Variants in GBF1 observed in about 807,000 individuals in gnomAD.
The protein encoded by GBF1 is golgi brefeldin A resistant guanine nucleotide exchange factor 1, also known as Golgi-specific brefeldin A-resistance guanine nucleotide exchange factor 1.
Under a neutral mutation model 210.5 loss-of-function variants are expected in GBF1, and 114 were observed. That is an observed-to-expected ratio of 0.54 (90% CI 0.47 to 0.63). The LOEUF (loss-of-function observed/expected upper bound fraction) is 0.63, where lower values mean the gene tolerates loss of function less well. Ranked by LOEUF, GBF1 falls within the 30% of genes least tolerant of loss-of-function variation. The pLI, the probability that GBF1 is intolerant of heterozygous loss-of-function variation, is 0.00. For missense variants in GBF1, 1,851 were observed against 2,357.7 expected (o/e 0.79, Z 4.45); for synonymous variants, 850 against 889.2 (o/e 0.96, Z 0.78).
intron 18 of GBF1, among the ~76,000 whole-genome samples, chr10:102,365,899 AGAGTGAGATC>A (rs1171752408): frequency 6.7e-6 from 1 of 148,798 alleles, no homozygotes; most frequent in Non-Finnish European, 1.5e-5. Context: ...AGAGTGAGAT[AGAGTGAGATC>A]ATGCCACTGT....
Position 102,370,845 on chromosome 10 carries a change from A to AG in GBF1, c.3646dup (p.Glu1216GlyfsTer34). The AG allele has an allele frequency of 6.2e-7, 1 of 1,614,116 alleles. No homozygotes were observed. The highest frequency in any genetic ancestry group is 8.5e-7 in the Non-Finnish European group (1 of 1,179,952). On this transcript the variant is annotated frameshift_variant, in exon 29 of 40. Transcript: ENST00000369983. LOFTEE classifies it high-confidence loss of function. ...TGGCCATTCGGCTTCTCCGGAGAGA[A>AG]GAGATCAGTGCTCAGGTAAGCAGAA...
rs778109377 is a variant in GBF1 at position 102,366,537 on chromosome 10, G to T, written c.2433+31G>T. 4 of 1,603,004 alleles carry T rather than the reference G, an allele frequency of 2.5e-6. No individual in the cohort carries two copies. Among genetic ancestry groups the T allele is most frequent in the Non-Finnish European group, 2.6e-6 (3 of 1,171,276 alleles). On this transcript the variant is annotated intron_variant, in intron 19 of 39. Transcript: ENST00000369983. This position sits in a 1 kb window ranked among gnomAD's most constrained non-coding sequence, Gnocchi z 4.0. Reference sequence around the variant, plus strand: ...TTTGAGTGTCAGGGGCTGAGCCCAGGATCCAAGGTCAGTTTGACTGAGGGC... The same window carrying T: ...TTTGAGTGTCAGGGGCTGAGCCCAGTATCCAAGGTCAGTTTGACTGAGGGC...
chr10:102,352,547 G>A lies in GBF1; in HGVS notation c.584+29G>A, dbSNP rs764287409. The A allele has an allele frequency of 3.9e-6, 6 of 1,525,570 alleles. No homozygotes were observed. The Admixed American group carries it at 5.0e-5, about 13-fold the overall frequency. 94.5% of individuals were successfully genotyped at this position (1,525,570 alleles called of 1,614,324 possible). Reference sequence around the variant, plus strand: ...AACCTGCTGCTGTTTGCTTCAGCCCGGCTGCCCAGGCCTCTTGAGTCTGCC... The same window carrying A: ...AACCTGCTGCTGTTTGCTTCAGCCCAGCTGCCCAGGCCTCTTGAGTCTGCC... On this transcript the variant is annotated intron_variant, in intron 7 of 39. Coordinates refer to ENST00000369983, the MANE Select transcript of GBF1 (RefSeq NM_001377137.1).
At chr10:102,334,721 C>T (rs1292751615) in intron 3 of GBF1, among the ~76,000 whole-genome samples, 1 of 152,030 alleles carries the variant, frequency 6.6e-6, no homozygotes, top group Admixed American at 6.6e-5. Flanking sequence ...TGGTGGCTTG[C>T]GCCTGTAGTC....
chr10:102,328,176 A>C (rs2057044146), intron 3 of GBF1, among the ~76,000 whole-genome samples: 1 of 152,182 alleles, frequency 6.6e-6, no homozygotes, highest in Admixed American at 6.5e-5. Flanking sequence ...TTTTAGCATG[A>C]GGGTGGCTGA....
chr10:102,341,659 T>G (rs1366392252), intron 3 of GBF1, among the ~76,000 whole-genome samples: 2 of 152,202 alleles, frequency 1.3e-5, no homozygotes, highest in African/African-American at 2.4e-5. Context: ...ATTTCAGTCA[T>G]CATGTTGAAT....
At chr10:102,273,506 G>A (rs1439716442) in intron 3 of GBF1, among the ~76,000 whole-genome samples, 1 of 152,160 alleles carries the variant, frequency 6.6e-6, no homozygotes, top group Admixed American at 6.5e-5. Context: ...TGAAAGCACT[G>A]GTAGAAAGTT....
chr10:102,362,471 C>A lies in GBF1; in HGVS notation c.1687-4C>A. On this transcript the variant is annotated splice_polypyrimidine_tract_variant and splice_region_variant and intron_variant, in intron 14 of 39. Coordinates refer to ENST00000369983, the MANE Select transcript of GBF1 (RefSeq NM_001377137.1). Reference sequence around the variant, plus strand: ...CAAGTCCAATTGATCTGTTTACTTTCCAGAATGCCTTCCCTGTGTCTGGTC... The same window carrying A: ...CAAGTCCAATTGATCTGTTTACTTTACAGAATGCCTTCCCTGTGTCTGGTC... 2 of 1,598,680 alleles carry A rather than the reference C, an allele frequency of 1.3e-6. No individual in the cohort carries two copies. Among genetic ancestry groups the A allele is most frequent in the Non-Finnish European group, 8.6e-7 (1 of 1,167,094 alleles).
chr10:102,378,395 G>A (rs2060637885), intron 33 of GBF1, among the ~76,000 whole-genome samples: 1 of 152,076 alleles, frequency 6.6e-6, no homozygotes, highest in Admixed American at 6.6e-5. Context: ...GGCTGAGGCG[G>A]GAGGATCACT....
Position 102,366,385 on chromosome 10 carries a change from C to T in GBF1, c.2312C>T (p.Thr771Ile). ...CTTCTTCCTTTCTTTCCCTATAGCA[C>T]CTTCAGTTTTCAGGGTCTGCGACTG... ...NIDLLESFVS[T>I]FSFQGLRLDE... Residue 771 changes from threonine (T) to isoleucine (I), a missense_variant and splice_region_variant, in exon 19 of 40, where the codon ACC becomes ATC. Thr to Ile is a moderately conservative substitution (Grantham distance 89, BLOSUM62 -1). Around this residue, in one of 3 missense-constraint regions of GBF1, gnomAD observed 804 missense variants for 958.6 expected, o/e 0.84. Coordinates refer to ENST00000369983, the MANE Select transcript of GBF1 (RefSeq NM_001377137.1). The surrounding 1 kb of genome is among the most constrained non-coding windows in gnomAD (Gnocchi z 4.0). 2 of 1,614,020 alleles carry T rather than the reference C, an allele frequency of 1.2e-6. No individual in the cohort carries two copies. Among genetic ancestry groups the T allele is most frequent in the Non-Finnish European group, 1.7e-6 (2 of 1,179,928 alleles).
At chr10:102,254,488 T>C (rs1246532906) in intron 1 of GBF1, among the ~76,000 whole-genome samples, 2 of 152,224 alleles carry the variant, frequency 1.3e-5, no homozygotes, top group Non-Finnish European at 2.9e-5. Context: ...AAGAATACAA[T>C]TTATTGTTTC....
chr10:102,322,404 T>G (rs917137116), intron 3 of GBF1, among the ~76,000 whole-genome samples: 5 of 152,218 alleles, frequency 3.3e-5, no homozygotes, highest in Non-Finnish European at 5.9e-5. Context: ...GTTTGTAGAT[T>G]CTTCTTTCCC....
chr10:102,379,722 C>A, intron 35 of GBF1, 71 bp downstream of exon 35: 1 of 1,547,888 alleles, frequency 6.5e-7, no homozygotes, highest in Non-Finnish European at 8.9e-7. Flanking sequence ...GCCTGAAGAG[C>A]CCCTAATGTG....
intron 3 of GBF1, among the ~76,000 whole-genome samples, chr10:102,265,236 A>G (rs2073732848): frequency 6.6e-6 from 1 of 152,192 alleles, no homozygotes; most frequent in South Asian, 2.1e-4. Flanking sequence ...GGAAAGGGCT[A>G]TAGTCAGTTG....
At chr10:102,379,996 G>A (rs761644453) in intron 36 of GBF1, 42 bp downstream of exon 36, 1 of 1,349,392 alleles carries the variant, frequency 7.4e-7, no homozygotes. Flanking sequence ...TCCCATACCT[G>A]CCTTTTCCCG....
chr10:102,350,157 C>G (rs2058848430), intron 4 of GBF1, among the ~76,000 whole-genome samples: 1 of 152,116 alleles, frequency 6.6e-6, no homozygotes, highest in South Asian at 2.1e-4. Context: ...CGAGACCAGC[C>G]TGACCAACAT....
At chr10:102,376,248 T>C in intron 30 of GBF1, 24 bp from the exon 31 acceptor site, 1 of 1,607,396 alleles carries the variant, frequency 6.2e-7, no homozygotes, top group East Asian at 2.2e-5. Flanking sequence ...ACCCTGACTC[T>C]GCCCTTCTCC....
Position 102,370,274 on chromosome 10 carries a change from C to T in GBF1, c.3411+29C>T, listed in dbSNP as rs780385384. ...AAGGATGAAGAAAGGAAACATGGAA[C>T]AACTGGCTGAATCTGGGAGGGGTGA... On this transcript the variant is annotated intron_variant, in intron 27 of 39. Coordinates refer to ENST00000369983, the MANE Select transcript of GBF1 (RefSeq NM_001377137.1). 28 of 1,541,966 alleles carry T rather than the reference C, an allele frequency of 1.8e-5. No homozygotes were observed. In the South Asian group the frequency reaches 3.1e-4, roughly 17 times the overall value.
At position 102,365,648 on chromosome 10, in the gene GBF1, T is replaced by C. The variant is rs199937921; in HGVS notation, c.2309+49T>C. ...GGATATAGCCAGGTATGGTGGCTCATGCCTGTAATCCTGACACTTTGGGAG... is the reference window on the plus strand; with the variant it reads ...GGATATAGCCAGGTATGGTGGCTCACGCCTGTAATCCTGACACTTTGGGAG... On this transcript the variant is annotated intron_variant, in intron 18 of 39. Coordinates refer to ENST00000369983, the MANE Select transcript of GBF1 (RefSeq NM_001377137.1). 6.0e-6 allele frequency: 9 copies of C among 1,496,254 alleles called. No individual in the cohort carries two copies. In the Admixed American group the frequency reaches 8.4e-5, roughly 14 times the overall value. 92.7% of individuals were successfully genotyped at this position (1,496,254 alleles called of 1,614,324 possible).
Sources: gnomAD v4.1 joint callset for allele counts (sites outside exome capture counted in the v4.1 genomes callset) on GRCh38, gnomAD v4.1.1 for gene constraint, gnomAD v4.1.1 regional missense constraint, Gnocchi (gnomAD v3.1) non-coding constraint, MANE v1.5 for transcripts, NCBI Gene and HGNC (gene_info 2026-07-23, HGNC 2026-07-21) for gene names.